The following PKNOX2 variants were observed in gnomAD, a reference collection of about 807,000 sequenced individuals.
PKNOX2 encodes homeobox protein PKNOX2.
PKNOX2 carries 14 observed loss-of-function variants against 53.1 expected under a neutral mutation model. That is an observed-to-expected ratio of 0.26 (90% CI 0.17 to 0.41). The LOEUF is 0.41. PKNOX2 is among the 10% of genes least tolerant of loss of function. The pLI, the probability that PKNOX2 is intolerant of heterozygous loss-of-function variation, is 1.00. For synonymous variants in PKNOX2, 257 were observed against 242.8 expected, an observed-to-expected ratio of 1.06 and a Z score of -0.54; for missense variants, 496 against 602.8, an observed-to-expected ratio of 0.82 and a Z score of 1.85.
rs1565462505 is a variant in PKNOX2 at position 125,178,675 on chromosome 11, A to G, written c.-201+13899A>G. On this transcript the variant is annotated intron_variant, in intron 1 of 12. Coordinates refer to ENST00000298282, the MANE Select transcript of PKNOX2 (RefSeq NM_001382323.2). ...GAAGGAAGGAAGGAAGGAAGGAAAG[A>G]AAGAGAGAGAGAGAGAGAGAGAGAA... 2.5e-4 allele frequency among the ~76,000 whole-genome samples: 29 copies of G among 114,786 alleles called. 1 individual carries two copies. The highest frequency in any genetic ancestry group is 1.4e-3 in the African/African-American group (26 of 19,174). The allele number at this position is 114,786 out of a possible 152,430, so 75.3% of individuals were successfully genotyped here. A position where few individuals can be genotyped will look rare whatever the true frequency, so the allele number is the denominator to read the frequency against.
chr11:125,210,028 G>T (rs532178075), intron 1 of PKNOX2, among the ~76,000 whole-genome samples: 1 of 152,116 alleles, frequency 6.6e-6, no homozygotes, highest in Admixed American at 6.5e-5. Flanking sequence ...GTGGGGGTGT[G>T]GGGGACTGAG....
chr11:125,269,978 A>G (rs762458394), intron 2 of PKNOX2, among the ~76,000 whole-genome samples: 1 of 152,202 alleles, frequency 6.6e-6, no homozygotes, highest in Non-Finnish European at 1.5e-5. Context: ...CACTGGAGAT[A>G]CAACAGTGAC....
chr11:125,406,734 G>A (rs1955124221), intron 7 of PKNOX2, among the ~76,000 whole-genome samples: 1 of 151,812 alleles, frequency 6.6e-6, no homozygotes, highest in African/African-American at 2.4e-5. Context: ...CTCTCTTCAG[G>A]CAAATAGGAC....
chr11:125,394,173 T>A (rs1954250277), intron 6 of PKNOX2, among the ~76,000 whole-genome samples: 1 of 152,210 alleles, frequency 6.6e-6, no homozygotes, highest in African/African-American at 2.4e-5. Context: ...GTTAAGTACC[T>A]TATCCTGTGC....
chr11:125,431,139 C>T (rs774616313), intron 12 of PKNOX2, 27 bp from the exon 13 acceptor site: 8 of 1,607,780 alleles, frequency 5.0e-6, no homozygotes, highest in Middle Eastern at 1.6e-4. Flanking sequence ...GCCCCTGCCT[C>T]GTCCTGACCC....
At chr11:125,413,345 C>T (rs144129898) in intron 10 of PKNOX2, among the ~76,000 whole-genome samples, 12 of 152,300 alleles carry the variant, frequency 7.9e-5, no homozygotes, top group South Asian at 2.1e-4. Context: ...ACAGGGGGAA[C>T]GCCCAGGTCT....
intron 1 of PKNOX2, among the ~76,000 whole-genome samples, chr11:125,170,281 C>A (rs558303829): frequency 6.6e-6 from 1 of 152,190 alleles, no homozygotes; most frequent in Non-Finnish European, 1.5e-5. Context: ...CCTGGAGACG[C>A]GGCTCTGGTG....
chr11:125,359,757 G>A (rs1037105996), intron 4 of PKNOX2, among the ~76,000 whole-genome samples: 8 of 152,124 alleles, frequency 5.3e-5, no homozygotes, highest in Non-Finnish European at 1.0e-4. Flanking sequence ...GGCTAGGCCT[G>A]GGCAGCCCCA....
chr11:125,345,072 A>T (rs752566330), intron 3 of PKNOX2, among the ~76,000 whole-genome samples: 4 of 152,154 alleles, frequency 2.6e-5, no homozygotes, highest in Non-Finnish European at 5.9e-5. Flanking sequence ...AGACAGGCAG[A>T]GAGCAGCACC....
chr11:125,383,401 C>T (rs1953386895), intron 5 of PKNOX2, among the ~76,000 whole-genome samples: 1 of 144,764 alleles, frequency 6.9e-6, no homozygotes, highest in Admixed American at 7.1e-5. Flanking sequence ...CTTGAGGTCA[C>T]AGTTTAGACC....
At position 125,190,296 on chromosome 11, in the gene PKNOX2, G is replaced by C. The variant is rs111337055; in HGVS notation, c.-201+25520G>C. 7.5e-3 allele frequency among the ~76,000 whole-genome samples: 1,143 copies of C among 152,248 alleles called. 17 individuals carry two copies. Among genetic ancestry groups the C allele is most frequent in the African/African-American group, 0.026 (1,076 of 41,536 alleles). On this transcript the variant is annotated intron_variant, in intron 1 of 12. Coordinates refer to ENST00000298282, the MANE Select transcript of PKNOX2 (RefSeq NM_001382323.2). ...TGGTGAACCAAACTATCACCTATCAGAGGCTGAGGCTGTCCTCCTATCCGT... is the reference window on the plus strand; with the variant it reads ...TGGTGAACCAAACTATCACCTATCACAGGCTGAGGCTGTCCTCCTATCCGT...
At chr11:125,411,642 G>A (rs569984007) in intron 9 of PKNOX2, 104 bp from the exon 10 acceptor site, 43 of 1,589,982 alleles carry the variant, frequency 2.7e-5, no homozygotes, top group South Asian at 1.4e-4. Context: ...GGAATGAGCC[G>A]GGAAAGGGGC....
intron 7 of PKNOX2, among the ~76,000 whole-genome samples, chr11:125,399,339 T>C (rs1051563050): frequency 2.0e-5 from 3 of 152,272 alleles, no homozygotes; most frequent in South Asian, 2.1e-4. Flanking sequence ...CTTTCCCTTA[T>C]GATCAAAATT....
At chr11:125,353,439 G>C (rs1951424612) in intron 4 of PKNOX2, among the ~76,000 whole-genome samples, 1 of 152,252 alleles carries the variant, frequency 6.6e-6, no homozygotes, top group Non-Finnish European at 1.5e-5. Context: ...TTAGTGATCA[G>C]CATACAGCTG....
chr11:125,187,237 T>G (rs1028819076), intron 1 of PKNOX2, among the ~76,000 whole-genome samples: 9 of 151,964 alleles, frequency 5.9e-5, no homozygotes, highest in Non-Finnish European at 1.2e-4. Flanking sequence ...AACTTTTCCG[T>G]TTTTTTTCAA....
intron 10 of PKNOX2, among the ~76,000 whole-genome samples, chr11:125,413,527 T>TGCTCGTGG (rs1955689190): frequency 6.6e-6 from 1 of 152,198 alleles, no homozygotes; most frequent in African/African-American, 2.4e-5. Context: ...CGCTCCCAAC[T>TGCTCGTGG]GCTCGTGGAG....
chr11:125,298,329 C>T (rs1449123074), intron 2 of PKNOX2, among the ~76,000 whole-genome samples: 1 of 152,166 alleles, frequency 6.6e-6, no homozygotes, highest in African/African-American at 2.4e-5. Flanking sequence ...CTTGTGTATG[C>T]GTCACCAGGG....
chr11:125,186,274 T>C (rs2135307550), intron 1 of PKNOX2, among the ~76,000 whole-genome samples: 1 of 152,328 alleles, frequency 6.6e-6, no homozygotes, highest in South Asian at 2.1e-4. Flanking sequence ...AGGACTTCGT[T>C]ATATATTCTG....
intron 2 of PKNOX2, among the ~76,000 whole-genome samples, chr11:125,304,360 T>G (rs1217518878): frequency 3.3e-5 from 5 of 152,254 alleles, no homozygotes; most frequent in African/African-American, 1.2e-4. Context: ...CAGCTGGAGC[T>G]GTTCATTCAG....
Sources: gnomAD v4.1 joint callset for allele counts (sites outside exome capture counted in the v4.1 genomes callset) on GRCh38, gnomAD v4.1.1 for gene constraint, MANE v1.5 for transcripts, NCBI Gene and HGNC (gene_info 2026-07-23, HGNC 2026-07-21) for gene names.